The following TRIM46 variants were observed in gnomAD, a reference collection of about 807,000 sequenced individuals.
The protein encoded by TRIM46 is tripartite motif containing 46.
In TRIM46, 17 loss-of-function variants were observed where a neutral mutation model predicts 69.7. That is an observed-to-expected ratio of 0.24 (90% CI 0.17 to 0.37). The LOEUF (loss-of-function observed/expected upper bound fraction) is 0.37. Ranked by LOEUF, TRIM46 falls within the 10% of genes least tolerant of loss-of-function variation. The pLI is 1.00. For missense variants in TRIM46, 675 were observed against 1,025.1 expected, an observed-to-expected ratio of 0.66 and a Z score of 4.66; for synonymous variants, 391 against 429.0, an observed-to-expected ratio of 0.91 and a Z score of 1.09.
Position 155,184,292 on chromosome 1 carries a change from C to G in TRIM46, c.*102C>G. On this transcript the variant is annotated 3_prime_UTR_variant, in exon 10 of 10. Transcript: ENST00000334634. This position sits in a 1 kb window ranked among gnomAD's most constrained non-coding sequence, Gnocchi z 5.6. ...CCCCTGGCAGCTTCTCCCCCAAACT[C>G]TCCTACCATGTGGCCCTGCTCCTTC... The G allele has an allele frequency of 7.8e-7, 1 of 1,279,162 alleles. No homozygotes were observed. Among genetic ancestry groups the G allele is most frequent in the Non-Finnish European group, 1.0e-6 (1 of 953,676 alleles). The allele number at this position is 1,279,162 out of a possible 1,614,324, so 79.2% of individuals were successfully genotyped here.
rs1665817849 is a variant in TRIM46, at chr1:155,177,982, G to T, written c.910-20G>T. The T allele has an allele frequency of 3.1e-6, 5 of 1,609,256 alleles. No individual in the cohort carries two copies. In the South Asian group the frequency reaches 5.5e-5, roughly 18 times the overall value. ...GAAGATAGTAAGTCACGCATCCTTTGGGTGTTGCTCCCTGGGCAGGTGAGT... is the reference window on the plus strand; with the variant it reads ...GAAGATAGTAAGTCACGCATCCTTTTGGTGTTGCTCCCTGGGCAGGTGAGT... On this transcript the variant is annotated intron_variant, in intron 5 of 9. Transcript: ENST00000334634.
Position 155,175,011 on chromosome 1 carries a change from A to G in TRIM46, c.64-375A>G. 1 of 1,377,184 alleles carries G rather than the reference A, an allele frequency of 7.3e-7. No homozygotes were observed. The highest frequency in any genetic ancestry group is 2.7e-4 in the Middle Eastern group (1 of 3,744). The allele number at this position is 1,377,184 out of a possible 1,614,324, so 85.3% of individuals were successfully genotyped here. A position where few individuals can be genotyped will look rare whatever the true frequency, so the allele number is the denominator to read the frequency against. ...GAGAAGGGAGTGGGGGTCTGCATGG[A>G]GCTGCAGAATGGGCGGTGTCCTTGA... is the stretch of plus-strand genomic sequence containing the variant. On this transcript the variant is annotated intron_variant, in intron 1 of 9. Coordinates refer to ENST00000334634, the MANE Select transcript of TRIM46 (RefSeq NM_025058.5). The surrounding 1 kb of genome is among the most constrained non-coding windows in gnomAD (Gnocchi z 4.2).
At position 155,181,393 on chromosome 1, in the gene TRIM46, G is replaced by A. The variant is rs1332597597; in HGVS notation, c.1589-459G>A. 1.3e-5 allele frequency among the ~76,000 whole-genome samples: 2 copies of A among 152,120 alleles called. No individual in the cohort carries two copies. The highest frequency in any genetic ancestry group is 2.9e-5 in the Non-Finnish European group (2 of 68,030). ...TACTAAAGTGACTAGAAAATAGTTCGGACTCCAGGGGGTGGGCATAAGAGG... is the reference window on the plus strand; with the variant it reads ...TACTAAAGTGACTAGAAAATAGTTCAGACTCCAGGGGGTGGGCATAAGAGG... On this transcript the variant is annotated intron_variant, in intron 8 of 9. Coordinates refer to ENST00000334634, the MANE Select transcript of TRIM46 (RefSeq NM_025058.5). The surrounding 1 kb of genome is among the most constrained non-coding windows in gnomAD (Gnocchi z 4.3).
In TRIM46 at chr1:155,173,951, C is replaced by T; in HGVS notation, c.-16C>T. On this transcript the variant is annotated 5_prime_UTR_variant, in exon 1 of 10. Transcript: ENST00000334634. ...CCGGGATCGGGCACCCAGGGGCGGGCGGGCACGGTAGGGCCATGGCAGAGG... is the reference window on the plus strand; with the variant it reads ...CCGGGATCGGGCACCCAGGGGCGGGTGGGCACGGTAGGGCCATGGCAGAGG... 1 of 1,571,176 alleles carries T rather than the reference C, an allele frequency of 6.4e-7. No individual in the cohort carries two copies. The highest frequency in any genetic ancestry group is 8.6e-7 in the Non-Finnish European group (1 of 1,159,284).
chr1:155,173,933 C>CG lies in TRIM46; in HGVS notation c.-31dup, dbSNP rs1665394167. On this transcript the variant is annotated 5_prime_UTR_variant, in exon 1 of 10. Transcript: ENST00000334634. ...CGGGGTTCGCAGCCGCAGCCGGGAT[C>CG]GGGCACCCAGGGGCGGGCGGGCACG... 1.8e-5 allele frequency: 28 copies of CG among 1,564,466 alleles called. No homozygotes were observed. The highest frequency in any genetic ancestry group is 2.4e-5 in the Non-Finnish European group (28 of 1,155,216).
chr1:155,182,035 G>T lies in TRIM46; in HGVS notation c.1772G>T (p.Arg591Leu), dbSNP rs773404968. The T allele has an allele frequency of 1.9e-6, 3 of 1,613,662 alleles. No individual in the cohort carries two copies. The highest frequency in any genetic ancestry group is 2.5e-6 in the Non-Finnish European group (3 of 1,179,834). Reference protein sequence around the residue: ...VLGDVAVTQGRSYWACAVDPA... With the variant: ...VLGDVAVTQGLSYWACAVDPA... ...GGCGACGTGGCTGTGACCCAGGGCC[G>T]CAGCTACTGGGCCTGCGCCGTAGAC... Residue 591 changes from arginine to leucine, a missense_variant, in exon 9 of 10, where the codon CGC becomes CTC. Physicochemically the swap from Arg to Leu is moderately radical, Grantham distance 102. This residue lies in a region of TRIM46 where 35 missense variants were observed against 99.3 expected (regional missense o/e 0.35). Coordinates refer to ENST00000334634, the MANE Select transcript of TRIM46 (RefSeq NM_025058.5).
At chr1:155,177,463 C>G (rs927976442) in intron 5 of TRIM46, among the ~76,000 whole-genome samples, 173 bp downstream of exon 5, 1 of 152,154 alleles carries the variant, frequency 6.6e-6, no homozygotes, top group African/African-American at 2.4e-5. Flanking sequence ...CCAGGCTGTA[C>G]CTGGGCTGCA....
intron 9 of TRIM46, 79 bp from the exon 10 acceptor site, chr1:155,183,718 T>C (rs1004466399): frequency 5.1e-6 from 8 of 1,554,394 alleles, no homozygotes; most frequent in African/African-American, 1.4e-5. Flanking sequence ...TAACATTCCA[T>C]CCTTCCAGCG....
rs1310419530 is a variant in TRIM46 at position 155,184,865 on chromosome 1, G to T, written c.*675G>T. The T allele has an allele frequency of 6.5e-6, 1 of 153,022 alleles. No homozygotes were observed. The highest frequency in any genetic ancestry group is 2.4e-5 in the African/African-American group (1 of 41,444). The allele number at this position is 153,022 out of a possible 1,614,324, so 9.5% of individuals were successfully genotyped here. A position where few individuals can be genotyped will look rare whatever the true frequency, so the allele number is the denominator to read the frequency against. On this transcript the variant is annotated 3_prime_UTR_variant, in exon 10 of 10. Transcript: ENST00000334634. This position sits in a 1 kb window ranked among gnomAD's most constrained non-coding sequence, Gnocchi z 5.6. ...GGCAAGGCCTCTGGTGCCCGCTGCCGTCCCCCTGCAGTGGGCTCTGCTAGG... is the reference window on the plus strand; with the variant it reads ...GGCAAGGCCTCTGGTGCCCGCTGCCTTCCCCCTGCAGTGGGCTCTGCTAGG...
In TRIM46 at chr1:155,175,580, C is replaced by G. The variant is rs369882956; in HGVS notation, c.258C>G (p.Thr86=). 4 of 1,613,532 alleles carry G rather than the reference C, an allele frequency of 2.5e-6. No homozygotes were observed. Among genetic ancestry groups the G allele is most frequent in the Non-Finnish European group, 3.4e-6 (4 of 1,179,882 alleles). ...EPTSPASTPS[T]RSPRLSRRTL... is the part of the protein sequence containing the mutation. Reference sequence around the variant, plus strand: ...CCTCTCCTGCCTCCACCCCTTCCACCCGCAGCCCCCGCCTCTCCCGCAGAA... The same window carrying G: ...CCTCTCCTGCCTCCACCCCTTCCACGCGCAGCCCCCGCCTCTCCCGCAGAA... The change falls in exon 2 of 10, where the codon ACC becomes ACG. Residue 86 remains threonine, a synonymous_variant. Coordinates refer to ENST00000334634, the MANE Select transcript of TRIM46 (RefSeq NM_025058.5). The surrounding 1 kb of genome is among the most constrained non-coding windows in gnomAD (Gnocchi z 4.2).
At chr1:155,177,371 T>C in intron 5 of TRIM46, 81 bp downstream of exon 5, 1 of 1,244,714 alleles carries the variant, frequency 8.0e-7, no homozygotes, top group African/African-American at 1.5e-5. Context: ...CATGACCCAA[T>C]CACCTTGTTG....
At chr1:155,182,181 G>A (rs772320400) in intron 9 of TRIM46, 32 bp downstream of exon 9, 1 of 1,602,294 alleles carries the variant, frequency 6.2e-7, no homozygotes, top group South Asian at 1.1e-5. Flanking sequence ...TGGGGTGTGG[G>A]GGTCCTGGTG....
Position 155,175,637 on chromosome 1 carries a change from G to A in TRIM46, c.315G>A (p.Leu105=), listed in dbSNP as rs1019152226. 27 of 1,613,636 alleles carry A rather than the reference G, an allele frequency of 1.7e-5. No individual in the cohort carries two copies. Among genetic ancestry groups the A allele is most frequent in the Non-Finnish European group, 2.3e-5 (27 of 1,180,002 alleles). Residue 105 remains leucine, a synonymous_variant, in exon 2 of 10, where the codon CTG becomes CTA. Coordinates refer to ENST00000334634, the MANE Select transcript of TRIM46 (RefSeq NM_025058.5). The surrounding 1 kb of genome is among the most constrained non-coding windows in gnomAD (Gnocchi z 4.2). ...CCAAGCCAGACCGCCTGGACCGGCTGCTTAAGTCAGGTGGGACTGGGGCCT... is the reference window on the plus strand; with the variant it reads ...CCAAGCCAGACCGCCTGGACCGGCTACTTAAGTCAGGTGGGACTGGGGCCT... ...TLPKPDRLDR[L]LKSGFGTYPG...
intron 1 of TRIM46, 158 bp downstream of exon 1, chr1:155,174,187 G>A: frequency 1.1e-6 from 1 of 884,398 alleles, no homozygotes; most frequent in Non-Finnish European, 1.7e-6. Flanking sequence ...AGGTATGAGA[G>A]GGTAATCCCG....
At chr1:155,178,739 T>TTGGGCCCCCCCCCCCCCCCCCCC in intron 7 of TRIM46, 126 bp downstream of exon 7, 58 of 1,348,426 alleles carry the variant, frequency 4.3e-5, no homozygotes, top group Non-Finnish European at 5.6e-5. Flanking sequence ...CAGCCATTCC[T>TTGGGCCCCCCCCCCCCCCCCCCC]CCCACCCAGC....
rs540379443 is a variant in TRIM46 at position 155,181,568 on chromosome 1, G to A, written c.1589-284G>A. Among the ~76,000 whole-genome samples the A allele has an allele frequency of 4.3e-4, 66 of 152,282 alleles. 1 individual carries two copies. In the South Asian group the frequency reaches 0.013, roughly 31 times the overall value. On this transcript the variant is annotated intron_variant, in intron 8 of 9. Transcript: ENST00000334634. The surrounding 1 kb of genome is among the most constrained non-coding windows in gnomAD (Gnocchi z 4.3). ...CCATGGGGCTGGCCACAAGTAAGGG[G>A]TTCGAGGGAGCCCCATGAGTCAGCC...
chr1:155,180,016 G>T, intron 8 of TRIM46, 82 bp downstream of exon 8: 1 of 1,406,376 alleles, frequency 7.1e-7, no homozygotes, highest in Non-Finnish European at 9.5e-7. Flanking sequence ...TCCGGTGGCC[G>T]CTAGAGAGGC....
rs1557817090 is a variant in TRIM46 at position 155,181,968 on chromosome 1, C to T, written c.1705C>T (p.Arg569Trp). The change falls in exon 9 of 10, where the codon CGG becomes TGG. Residue 569 changes from arginine to tryptophan, a missense_variant. This residue lies in a region of TRIM46 where 361 missense variants were observed against 498.3 expected (regional missense o/e 0.72). Coordinates refer to ENST00000334634, the MANE Select transcript of TRIM46 (RefSeq NM_025058.5). The surrounding 1 kb of genome is among the most constrained non-coding windows in gnomAD (Gnocchi z 4.3). ...PGLPLLLAADRLLTGCHLSVD... is the reference protein window; with the variant it reads ...PGLPLLLAADWLLTGCHLSVD... ...GCTGCCCCTGCTGCTGGCTGCTGAC[C>T]GGCTGCTGACCGGCTGCCACCTGAG... 3 of 1,613,852 alleles carry T rather than the reference C, an allele frequency of 1.9e-6. No homozygotes were observed. The highest frequency in any genetic ancestry group is 2.5e-6 in the Non-Finnish European group (3 of 1,179,960).
intron 1 of TRIM46, chr1:155,174,757 T>C (rs1665491381): frequency 1.4e-6 from 2 of 1,456,990 alleles, no homozygotes; most frequent in Non-Finnish European, 1.8e-6. Context: ...CCCCGCTAGT[T>C]CGGAGAAGGG....
Sources: gnomAD v4.1 joint callset for allele counts (sites outside exome capture counted in the v4.1 genomes callset) on GRCh38, gnomAD v4.1.1 for gene constraint, gnomAD v4.1.1 regional missense constraint, Gnocchi (gnomAD v3.1) non-coding constraint, MANE v1.5 for transcripts, NCBI Gene and HGNC (gene_info 2026-07-23, HGNC 2026-07-21) for gene names.